The following ERI3 variants were observed in gnomAD, a reference collection of about 807,000 sequenced individuals.
ERI3 encodes ERI1 exoribonuclease family member 3.
ERI3 carries 18 observed loss-of-function variants against 44.4 expected under a neutral mutation model. The observed-to-expected ratio is 0.41, with a 90% CI of 0.28 to 0.60. The LOEUF (loss-of-function observed/expected upper bound fraction) is 0.60. ERI3 is among the 20% of genes least tolerant of loss of function. The pLI is 0.36. For missense variants in ERI3, 294 were observed against 435.5 expected (o/e 0.68, Z 2.89); for synonymous variants, 183 against 164.8 (o/e 1.11, Z -0.84).
intron 8 of ERI3, chr1:44,242,127 C>T: frequency 1.0e-6 from 1 of 985,742 alleles, no homozygotes. Context: ...ATCCATCTCC[C>T]TAGCTTCTCA....
At chr1:44,276,702 T>C (rs1419966768) in intron 7 of ERI3, among the ~76,000 whole-genome samples, 1 of 152,224 alleles carries the variant, frequency 6.6e-6, no homozygotes, top group Non-Finnish European at 1.5e-5. Flanking sequence ...TTATTTACTT[T>C]TTCCATATCC....
At chr1:44,334,254 C>T (rs1646488558) in intron 3 of ERI3, among the ~76,000 whole-genome samples, 1 of 152,192 alleles carries the variant, frequency 6.6e-6, no homozygotes, top group African/African-American at 2.4e-5. Flanking sequence ...TCCTCACTTA[C>T]ATTTGCTTTG....
Position 44,253,000 on chromosome 1 carries a change from T to C in ERI3, c.832-4962A>G, listed in dbSNP as rs1393691258. 6.6e-6 allele frequency among the ~76,000 whole-genome samples: 1 copy of C among 152,206 alleles called. No homozygotes were observed. The highest frequency in any genetic ancestry group is 2.4e-5 in the African/African-American group (1 of 41,446). On this transcript the variant is annotated intron_variant, in intron 7 of 8. Coordinates refer to ENST00000372257, the MANE Select transcript of ERI3 (RefSeq NM_024066.3). The surrounding 1 kb of genome is among the most constrained non-coding windows in gnomAD (Gnocchi z 4.7). ...GGATGACTTGTCACCCTGCAGGTGA[T>C]TGCTCAAGACTAGGAGCCAAATCAA... is the stretch of plus-strand genomic sequence containing the variant.
chr1:44,339,366 A>AAC, intron 2 of ERI3, 44 bp from the exon 3 acceptor site: 7 of 1,434,930 alleles, frequency 4.9e-6, no homozygotes, highest in Non-Finnish European at 5.5e-6. Flanking sequence ...AAAGAAAAGA[A>AAC]AGAAAAAAAA....
At chr1:44,282,102 G>A (rs1375402742) in intron 7 of ERI3, among the ~76,000 whole-genome samples, 1 of 152,128 alleles carries the variant, frequency 6.6e-6, no homozygotes, top group Non-Finnish European at 1.5e-5. Context: ...GTAGGTGGCA[G>A]CAGGAGATGT....
At chr1:44,275,011 G>A (rs552806496) in intron 7 of ERI3, among the ~76,000 whole-genome samples, 1 of 152,210 alleles carries the variant, frequency 6.6e-6, no homozygotes, top group East Asian at 1.9e-4. Context: ...TGATGCCAAA[G>A]ACCGAGACCA....
intron 5 of ERI3, among the ~76,000 whole-genome samples, chr1:44,310,957 GCGCGCGCACACACACACACA>G (rs1557840900): frequency 1.7e-4 from 13 of 76,722 alleles, no homozygotes; most frequent in African/African-American, 6.8e-4. Flanking sequence ...CACATCGCGC[GCGCGCGCACACACACACACA>G]CACACACACA....
intron 8 of ERI3, among the ~76,000 whole-genome samples, chr1:44,224,776 G>C (rs1269767091): frequency 6.6e-6 from 1 of 152,126 alleles, no homozygotes; most frequent in Non-Finnish European, 1.5e-5. Flanking sequence ...TGTTTACTGG[G>C]TATTTCTGGG....
At chr1:44,264,618 G>A (rs1044869086) in intron 7 of ERI3, among the ~76,000 whole-genome samples, 4 of 152,202 alleles carry the variant, frequency 2.6e-5, no homozygotes, top group African/African-American at 7.2e-5. Flanking sequence ...ATATCCCAGC[G>A]CTGCTGCCAG....
intron 2 of ERI3, among the ~76,000 whole-genome samples, chr1:44,342,812 AATATATATATATAT>A (rs59012227): frequency 0.012 from 384 of 30,892 alleles, 14 homozygotes; most frequent in African/African-American, 0.015. Flanking sequence ...ACATCCAGCT[AATATATATATATAT>A]ATATATATAT....
chr1:44,311,795 G>T (rs1459300750), intron 5 of ERI3, among the ~76,000 whole-genome samples: 1 of 152,142 alleles, frequency 6.6e-6, no homozygotes, highest in South Asian at 2.1e-4. Context: ...GCTGGGGATG[G>T]TGGCTGGGAC....
intron 6 of ERI3, among the ~76,000 whole-genome samples, chr1:44,285,568 G>GT (rs1267236280): frequency 8.5e-5 from 13 of 152,094 alleles, no homozygotes; most frequent in Non-Finnish European, 1.8e-4. Flanking sequence ...GTCTGTTCTT[G>GT]TTTTTTTTCT....
chr1:44,323,017 C>A, intron 3 of ERI3: 2 of 1,132,498 alleles, frequency 1.8e-6, no homozygotes, highest in Non-Finnish European at 2.3e-6. Flanking sequence ...TTATTCCTGA[C>A]CCTGACCTTT....
intron 8 of ERI3, among the ~76,000 whole-genome samples, chr1:44,223,250 G>A (rs1021835543): frequency 6.6e-6 from 1 of 152,152 alleles, no homozygotes. Flanking sequence ...GGCCGGACAC[G>A]CACCCCGCTC....
At chr1:44,248,960 G>T (rs79785822) in intron 7 of ERI3, among the ~76,000 whole-genome samples, 1 of 151,856 alleles carries the variant, frequency 6.6e-6, no homozygotes, top group African/African-American at 2.4e-5. Context: ...CAGGGGCAGC[G>T]CCTTCCCTTA....
chr1:44,315,969 T>G (rs1369902353), intron 4 of ERI3, among the ~76,000 whole-genome samples: 1 of 143,984 alleles, frequency 6.9e-6, no homozygotes, highest in Non-Finnish European at 1.5e-5. Context: ...TTATGCAACA[T>G]AGAGAGACCC....
chr1:44,346,138 C>T (rs74725323), intron 2 of ERI3, among the ~76,000 whole-genome samples: 1,842 of 152,320 alleles, frequency 0.012, 70 homozygotes, highest in East Asian at 0.068. Flanking sequence ...AAACAGTCTC[C>T]TCTTCTCTAC....
At chr1:44,295,645 C>T (rs1375393069) in intron 6 of ERI3, among the ~76,000 whole-genome samples, 2 of 152,104 alleles carry the variant, frequency 1.3e-5, no homozygotes, top group African/African-American at 4.8e-5. Flanking sequence ...GAAAGGTCCT[C>T]GTGAAGATGT....
At chr1:44,301,609 A>G (rs1420566503) in intron 6 of ERI3, among the ~76,000 whole-genome samples, 1 of 152,202 alleles carries the variant, frequency 6.6e-6, no homozygotes, top group Non-Finnish European at 1.5e-5. Context: ...TCCGTCTGAC[A>G]CAAAAACATG....
Sources: allele counts gnomAD v4.1 joint callset (sites outside exome capture counted in the v4.1 genomes callset), GRCh38; gene constraint gnomAD v4.1.1; non-coding constraint Gnocchi (gnomAD v3.1); transcripts MANE v1.5; gene names NCBI Gene and HGNC (gene_info 2026-07-23, HGNC 2026-07-21).